Variants in SYNE2 observed in about 807,000 individuals in gnomAD.
SYNE2 encodes spectrin repeat containing nuclear envelope protein 2, also known as nesprin-2.
Under a neutral mutation model 856.3 loss-of-function variants are expected in SYNE2, and 431 were observed. That is an observed-to-expected ratio of 0.50 (90% CI 0.47 to 0.55). SYNE2 has a LOEUF of 0.55. Ranked by LOEUF, SYNE2 falls within the 20% of genes least tolerant of loss-of-function variation. SYNE2 has a pLI of 0.00. For synonymous variants in SYNE2, 2,923 were observed against 2,872.3 expected, an observed-to-expected ratio of 1.02 and a Z score of -0.56; for missense variants, 8,129 against 8,023.2, an observed-to-expected ratio of 1.01 and a Z score of -0.50.
At position 63,841,306 on chromosome 14, in the gene SYNE2, T is replaced by TA. The variant is rs1890059500; in HGVS notation, c.-304-11189dup. On this transcript the variant is annotated intron_variant, in intron 1 of 23. Transcript: ENST00000674003. ...CCAAGTAGTTGAAGCTGTGAGCCCCTAAAAAAGCAAAAGGCTGGATGTATA... is the reference window on the plus strand; with the variant it reads ...CCAAGTAGTTGAAGCTGTGAGCCCCTAAAAAAAGCAAAAGGCTGGATGTATA... Among the ~76,000 whole-genome samples, 3 of 152,180 alleles carry TA rather than the reference T, an allele frequency of 2.0e-5. 1 individual carries two copies. The Middle Eastern group carries it at 0.01, about 518-fold the overall frequency.
At chr14:63,942,783 C>T (rs1296000518) in intron 6 of SYNE2, among the ~76,000 whole-genome samples, 2 of 152,096 alleles carry the variant, frequency 1.3e-5, no homozygotes, top group African/African-American at 4.8e-5. Context: ...GTGTGAGCCA[C>T]CATGCCCGGC....
intron 1 of SYNE2, among the ~76,000 whole-genome samples, chr14:63,854,437 CCTT>C (rs1026211424): frequency 3.9e-5 from 6 of 152,258 alleles, no homozygotes; most frequent in Middle Eastern, 3.4e-3. Context: ...ATGCATGACT[CCTT>C]CTCCAAGTTG....
intron 1 of SYNE2, among the ~76,000 whole-genome samples, chr14:63,794,993 C>G (rs1887867073): frequency 1.3e-5 from 2 of 152,198 alleles, no homozygotes; most frequent in African/African-American, 4.8e-5. Context: ...TCTTACTCTG[C>G]CTCCCAGGCT....
At chr14:63,767,613 G>A (rs73267648) in intron 1 of SYNE2, among the ~76,000 whole-genome samples, 1 of 151,920 alleles carries the variant, frequency 6.6e-6, no homozygotes, top group Non-Finnish European at 1.5e-5. Flanking sequence ...AACCCTCTCT[G>A]GTCCACCATG....
intron 110 of SYNE2, 148 bp from the exon 111 acceptor site, chr14:64,220,289 T>C: frequency 2.2e-6 from 2 of 916,980 alleles, no homozygotes; most frequent in East Asian, 2.6e-5. Context: ...ACCTGATGCT[T>C]TCCAGCCAGT....
At position 63,873,842 on chromosome 14, in the gene SYNE2, G is replaced by C. The variant is rs540993399; in HGVS notation, c.-52+20699G>C. Reference sequence around the variant, plus strand: ...GTAGAAAGTGAATGGGAGGACGGCGGCTGTTGCTCAGAAGTTCCTTCCATA... The same window carrying C: ...GTAGAAAGTGAATGGGAGGACGGCGCCTGTTGCTCAGAAGTTCCTTCCATA... On this transcript the variant is annotated intron_variant, in intron 1 of 115. Coordinates refer to ENST00000555002, the MANE Select transcript of SYNE2 (RefSeq NM_182914.3). 3.9e-5 allele frequency: 6 copies of C among 152,340 alleles called. No homozygotes were observed. In the East Asian group the frequency reaches 1.2e-3, roughly 29 times the overall value. 9.4% of individuals were successfully genotyped at this position (152,340 alleles called of 1,614,324 possible).
chr14:64,162,103 CAGTTGCAGAAGGCCCAG>C lies in SYNE2; in HGVS notation c.16130_16146del (p.Leu5377SerfsTer9). The C allele has an allele frequency of 6.2e-7, 1 of 1,614,160 alleles. No homozygotes were observed. The highest frequency in any genetic ancestry group is 8.5e-7 in the Non-Finnish European group (1 of 1,180,032). On this transcript the variant is annotated frameshift_variant, in exon 88 of 116. Coordinates refer to ENST00000555002, the MANE Select transcript of SYNE2 (RefSeq NM_182914.3). LOFTEE classifies it high-confidence loss of function. The stretch of plus-strand genomic sequence containing the variant: ...TCAGGTGAACCAAGCCATTGCAGAC[CAGTTGCAGAAGGCCCAG>C]AGTCTGCTCCAGCTCTGGAAGGCCT...
intron 1 of SYNE2, among the ~76,000 whole-genome samples, chr14:63,771,637 G>T (rs951976161): frequency 5.9e-5 from 9 of 152,088 alleles, no homozygotes; most frequent in African/African-American, 2.2e-4. Flanking sequence ...GGTGGCTTAC[G>T]CCTGTAATCC....
Position 64,126,818 on chromosome 14 carries a change from G to T in SYNE2, c.13917+11G>T. 1 of 1,608,130 alleles carries T rather than the reference G, an allele frequency of 6.2e-7. No homozygotes were observed. ...AACCGCAGTTACCAGGTATGATTCCGAGCACACAGCCTATTTTGGCACTGT... is the reference window on the plus strand; with the variant it reads ...AACCGCAGTTACCAGGTATGATTCCTAGCACACAGCCTATTTTGGCACTGT... On this transcript the variant is annotated intron_variant, in intron 73 of 115. Coordinates refer to ENST00000555002, the MANE Select transcript of SYNE2 (RefSeq NM_182914.3).
rs750998654 is a variant in SYNE2 at position 63,978,878 on chromosome 14, T to A, written c.1433T>A (p.Phe478Tyr). 1.2e-6 allele frequency: 2 copies of A among 1,613,162 alleles called. No individual in the cohort carries two copies. The highest frequency in any genetic ancestry group is 2.2e-5 in the East Asian group (1 of 44,810). The change falls in exon 14 of 116, where the codon TTT (phenylalanine) becomes TAT (tyrosine). Residue 478 changes from phenylalanine to tyrosine, a missense_variant. By Grantham distance (22) the Phe-to-Tyr change is conservative (BLOSUM62 3). This residue lies in a region of SYNE2 where 2,422 missense variants were observed against 2,357.4 expected (regional missense o/e 1.03). Coordinates refer to ENST00000555002, the MANE Select transcript of SYNE2 (RefSeq NM_182914.3). ...ATCAACAACATTTTGGAGAAAAAATTTATTCTACTTCTAGAATTTCATTAC... is the reference window on the plus strand; with the variant it reads ...ATCAACAACATTTTGGAGAAAAAATATATTCTACTTCTAGAATTTCATTAC... ...RRINNILEKKFILLLEFHYYK... is the reference protein window; with the variant it reads ...RRINNILEKKYILLLEFHYYK...
chr14:64,101,280 A>T (rs959957734), intron 63 of SYNE2, among the ~76,000 whole-genome samples: 1 of 152,108 alleles, frequency 6.6e-6, no homozygotes, highest in South Asian at 2.1e-4. Context: ...CATCCTCATG[A>T]CCACTTGTCA....
rs535879905 is a variant in SYNE2, at chr14:63,868,943, T to C, written c.-52+15800T>C. On this transcript the variant is annotated intron_variant, in intron 1 of 115. Coordinates refer to ENST00000555002, the MANE Select transcript of SYNE2 (RefSeq NM_182914.3). Reference sequence around the variant, plus strand: ...TCCAATTGAACTAAAACAAGACTTATTAAGTTTTTACCCACTCCAAAACAA... The same window carrying C: ...TCCAATTGAACTAAAACAAGACTTACTAAGTTTTTACCCACTCCAAAACAA... Among the ~76,000 whole-genome samples the C allele has an allele frequency of 2.8e-4, 42 of 152,336 alleles. No homozygotes were observed. The Middle Eastern group carries it at 0.01, about 37-fold the overall frequency.
At position 64,189,216 on chromosome 14, in the gene SYNE2, C is replaced by A. The variant is rs2002039; in HGVS notation, c.17871+508C>A. ...TGGTGTGGTGGTGGGCACCTGTAAT[C>A]CCAGCTACTTGGGAGGCTGAGGCAG... On this transcript the variant is annotated intron_variant, in intron 98 of 115. Coordinates refer to ENST00000555002, the MANE Select transcript of SYNE2 (RefSeq NM_182914.3). Among the ~76,000 whole-genome samples the A allele has an allele frequency of 8.2e-3, 1,244 of 152,188 alleles. 12 individuals are homozygous for A. Among genetic ancestry groups the A allele is most frequent in the Non-Finnish European group, 0.012 (783 of 68,008 alleles).
chr14:64,119,266 G>T (rs1218347618), intron 66 of SYNE2, among the ~76,000 whole-genome samples, 161 bp from the exon 67 acceptor site: 1 of 152,250 alleles, frequency 6.6e-6, no homozygotes, highest in Admixed American at 6.5e-5. Context: ...AAAAGTACAA[G>T]AATTCTGTGG....
Position 64,128,436 on chromosome 14 carries a change from G to A in SYNE2, c.13918-16G>A, listed in dbSNP as rs61987278. On this transcript the variant is annotated splice_polypyrimidine_tract_variant and intron_variant, in intron 73 of 115. Coordinates refer to ENST00000555002, the MANE Select transcript of SYNE2 (RefSeq NM_182914.3). ...GCCTAAATGAGATTGCTCAGTTTCCGACATTTATCTTACAGAATGAAATAA... is the reference window on the plus strand; with the variant it reads ...GCCTAAATGAGATTGCTCAGTTTCCAACATTTATCTTACAGAATGAAATAA... 0.017 allele frequency: 24,462 copies of A among 1,412,558 alleles called. 238 individuals are homozygous for A. The highest frequency in any genetic ancestry group is 0.037 in the African/African-American group (2,602 of 71,070). The allele number at this position is 1,412,558 out of a possible 1,614,324, so 87.5% of individuals were successfully genotyped here. A position where few individuals can be genotyped will look rare whatever the true frequency, so the allele number is the denominator to read the frequency against.
intron 2 of SYNE2, among the ~76,000 whole-genome samples, chr14:63,917,263 T>C (rs979551140): frequency 6.6e-6 from 1 of 152,182 alleles, no homozygotes; most frequent in Non-Finnish European, 1.5e-5. Context: ...TACTCAGTTA[T>C]GATAAATAAA....
chr14:64,215,339 T>A lies in SYNE2; in HGVS notation c.19387T>A (p.Leu6463Met), dbSNP rs1265595855. 6.2e-7 allele frequency: 1 copy of A among 1,614,128 alleles called. No homozygotes were observed. Among genetic ancestry groups the A allele is most frequent in the Non-Finnish European group, 8.5e-7 (1 of 1,180,038 alleles). The stretch of plus-strand genomic sequence containing the variant: ...ATATCTTAAAATGACCACAAAAACT[T>A]TGAAAGCGTCTTCTGGTAGGCCCCC... ...EAYLKMTTKT[L>M]KASSGKSISD... Residue 6463 changes from leucine to methionine, a missense_variant, in exon 107 of 116, where the codon TTG (leucine) becomes ATG (methionine). Coordinates refer to ENST00000555002, the MANE Select transcript of SYNE2 (RefSeq NM_182914.3).
At chr14:63,960,717 G>T (rs2096300582) in intron 8 of SYNE2, 1 of 759,996 alleles carries the variant, frequency 1.3e-6, no homozygotes, top group South Asian at 1.4e-5. Context: ...GTGATTTTAT[G>T]ATCTCCTTCA....
intron 13 of SYNE2, 70 bp from the exon 14 acceptor site, chr14:63,978,782 A>G: frequency 7.4e-7 from 1 of 1,350,898 alleles, no homozygotes; most frequent in Non-Finnish European, 1.0e-6. Context: ...ATTTTTTAAA[A>G]TGCTGAACAG....
Sources: gnomAD v4.1 joint callset for allele counts (sites outside exome capture counted in the v4.1 genomes callset) on GRCh38, gnomAD v4.1.1 for gene constraint, gnomAD v4.1.1 regional missense constraint, MANE v1.5 for transcripts, NCBI Gene and HGNC (gene_info 2026-07-23, HGNC 2026-07-21) for gene names.